The following SBF2 variants were observed in gnomAD, a reference collection of about 807,000 sequenced individuals.
SBF2 encodes myotubularin-related protein 13.
A neutral mutation model predicts 225.2 loss-of-function variants in SBF2; 112 were observed. The ratio of observed to expected loss-of-function variants is 0.50; its 90% CI spans 0.43 to 0.58. The LOEUF is 0.58. Among genes scored for constraint, SBF2 ranks in the 20% least tolerant of loss-of-function variants. The pLI, the probability that SBF2 is intolerant of heterozygous loss-of-function variation, is 0.00. For missense variants in SBF2, 1,996 were observed against 2,206.2 expected, an observed-to-expected ratio of 0.90 and a Z score of 1.91; for synonymous variants, 763 against 773.3, an observed-to-expected ratio of 0.99 and a Z score of 0.22.
rs560966219 is a variant in SBF2 at position 9,984,998 on chromosome 11, G to A, written c.1395+4499C>T. On this transcript the variant is annotated intron_variant, in intron 13 of 39. Transcript: ENST00000256190. ...AACCTCTTTAAAGCATAAATCACAC[G>A]GGACCTACAAAACAAAAATACAAGT... Among the ~76,000 whole-genome samples, 8 of 152,096 alleles carry A rather than the reference G, an allele frequency of 5.3e-5. No individual in the cohort carries two copies. The East Asian group carries it at 1.2e-3, about 22-fold the overall frequency.
chr11:10,111,343 G>T lies in SBF2; in HGVS notation c.142-68362C>A, dbSNP rs1017663652. On this transcript the variant is annotated intron_variant, in intron 2 of 39. Coordinates refer to ENST00000256190, the MANE Select transcript of SBF2 (RefSeq NM_030962.4). ...GAGGGATGGTTTCCCACATGCATCAGAAATAAATGCGAAGTAGTCGGCAAG... is the reference window on the plus strand; with the variant it reads ...GAGGGATGGTTTCCCACATGCATCATAAATAAATGCGAAGTAGTCGGCAAG... Among the ~76,000 whole-genome samples the T allele has an allele frequency of 3.9e-5, 6 of 152,144 alleles. 1 individual carries two copies. In the South Asian group the frequency reaches 1.2e-3, roughly 32 times the overall value.
At chr11:9,788,506 G>C (rs1852516931) in intron 35 of SBF2, among the ~76,000 whole-genome samples, 1 of 152,112 alleles carries the variant, frequency 6.6e-6, no homozygotes, top group Admixed American at 6.5e-5. Flanking sequence ...AGGCTGCTCG[G>C]GCAACTAAAA....
At chr11:10,178,558 G>C (rs1956575663) in intron 2 of SBF2, among the ~76,000 whole-genome samples, 1 of 149,492 alleles carries the variant, frequency 6.7e-6, no homozygotes, top group Non-Finnish European at 1.5e-5. Context: ...CTTCTCAAAA[G>C]AAGACATTTA....
At chr11:10,052,780 A>G (rs1195641188) in intron 2 of SBF2, among the ~76,000 whole-genome samples, 2 of 152,210 alleles carry the variant, frequency 1.3e-5, no homozygotes, top group African/African-American at 4.8e-5. Context: ...ACTGTTAGAC[A>G]TTAAGGTCAT....
rs1358636838 is a variant in SBF2 at position 9,892,345 on chromosome 11, C to G, written c.1929+3598G>C. Among the ~76,000 whole-genome samples the G allele has an allele frequency of 2.0e-5, 3 of 151,810 alleles. No homozygotes were observed. In the East Asian group the frequency reaches 5.8e-4, roughly 29 times the overall value. ...TGTTGGCCAGGCTGGTCTCGAACTC[C>G]TGGCCTCAAGTGATCCACCACCAAA... On this transcript the variant is annotated intron_variant, in intron 17 of 39. Coordinates refer to ENST00000256190, the MANE Select transcript of SBF2 (RefSeq NM_030962.4).
At chr11:10,257,672 A>T (rs1960984773) in intron 1 of SBF2, among the ~76,000 whole-genome samples, 2 of 149,464 alleles carry the variant, frequency 1.3e-5, no homozygotes, top group East Asian at 2.0e-4. Context: ...CTCAAAAAAA[A>T]AAAAAAAAAA....
chr11:10,053,619 G>A (rs1950138046), intron 2 of SBF2, among the ~76,000 whole-genome samples: 1 of 152,124 alleles, frequency 6.6e-6, no homozygotes, highest in African/African-American at 2.4e-5. Flanking sequence ...ACCCAGCCTG[G>A]TGGCTCATGC....
At chr11:10,209,398 G>A (rs780961170) in intron 1 of SBF2, among the ~76,000 whole-genome samples, 8 of 151,598 alleles carry the variant, frequency 5.3e-5, no homozygotes, top group Non-Finnish European at 8.8e-5. Context: ...AATCCAAGCC[G>A]TGTGTTTTCT....
intron 3 of SBF2, among the ~76,000 whole-genome samples, chr11:10,035,034 C>T (rs535435516): frequency 4.5e-4 from 68 of 152,224 alleles, no homozygotes; most frequent in African/African-American, 1.5e-3. Context: ...TCAGAATCTC[C>T]GCTCGCTGCA....
At chr11:10,033,763 T>A (rs1251899754) in intron 3 of SBF2, among the ~76,000 whole-genome samples, 1 of 152,052 alleles carries the variant, frequency 6.6e-6, no homozygotes, top group Non-Finnish European at 1.5e-5. Flanking sequence ...TTTGATAAAA[T>A]TTTTCTAGAA....
chr11:10,055,746 A>G, intron 2 of SBF2, among the ~76,000 whole-genome samples: 1 of 152,332 alleles, frequency 6.6e-6, no homozygotes, highest in East Asian at 1.9e-4. Context: ...ATACAGTGGT[A>G]TAACGGACAA....
chr11:9,966,283 T>G (rs1430369027), intron 14 of SBF2, among the ~76,000 whole-genome samples: 1 of 152,098 alleles, frequency 6.6e-6, no homozygotes, highest in Non-Finnish European at 1.5e-5. Context: ...AGAGATGGAG[T>G]TTCACCGTGT....
chr11:10,094,658 A>C (rs914679407), intron 2 of SBF2, among the ~76,000 whole-genome samples: 1 of 150,580 alleles, frequency 6.6e-6, no homozygotes, highest in Admixed American at 6.7e-5. Flanking sequence ...GCCCGCCACG[A>C]CGCCTGGCTA....
At chr11:10,034,963 A>G (rs1949381292) in intron 3 of SBF2, among the ~76,000 whole-genome samples, 1 of 152,122 alleles carries the variant, frequency 6.6e-6, no homozygotes, top group Non-Finnish European at 1.5e-5. Flanking sequence ...TAATGAATGC[A>G]TAAGAAATAC....
At chr11:9,834,697 T>C (rs947860578) in intron 26 of SBF2, among the ~76,000 whole-genome samples, 29 of 152,222 alleles carry the variant, frequency 1.9e-4, no homozygotes, top group African/African-American at 6.3e-4. Context: ...TAATCACTCA[T>C]GAAGACTGAA....
intron 2 of SBF2, among the ~76,000 whole-genome samples, chr11:10,113,874 T>C (rs1953001375): frequency 1.3e-5 from 2 of 152,110 alleles, no homozygotes; most frequent in African/African-American, 4.8e-5. Flanking sequence ...TGCTTTTACA[T>C]TTCTCCAGAA....
intron 16 of SBF2, chr11:9,929,058 G>A (rs978699455): frequency 4.6e-6 from 2 of 435,382 alleles, no homozygotes; most frequent in Admixed American, 2.6e-5. Flanking sequence ...TTGCAAAGGA[G>A]AAGAGGAAGA....
chr11:9,978,909 G>A (rs960975194), intron 13 of SBF2, among the ~76,000 whole-genome samples: 3 of 152,210 alleles, frequency 2.0e-5, no homozygotes, highest in African/African-American at 7.2e-5. Flanking sequence ...TGAGGTAGGA[G>A]GATTGCTGGA....
chr11:9,948,271 C>T (rs61876977), intron 16 of SBF2, among the ~76,000 whole-genome samples: 16,954 of 151,588 alleles, frequency 0.11, 1,070 homozygotes, highest in Non-Finnish European at 0.13. Context: ...CAGGGGGAAA[C>T]GGGAGTTATC....
Sources: allele counts gnomAD v4.1 joint callset (sites outside exome capture counted in the v4.1 genomes callset), GRCh38; gene constraint gnomAD v4.1.1; transcripts MANE v1.5; gene names NCBI Gene and HGNC (gene_info 2026-07-23, HGNC 2026-07-21).